CLNK: variants seen among roughly 807,000 people sequenced by gnomAD.
The protein encoded by CLNK is cytokine dependent hematopoietic cell linker.
In CLNK, 74 loss-of-function variants were observed where a neutral mutation model predicts 68.6. The ratio of observed to expected loss-of-function variants is 1.08; its 90% CI spans 0.89 to 1.31. The LOEUF is 1.31. Among genes scored for constraint, CLNK ranks in the 50% most tolerant of loss-of-function variants. The pLI is 0.00. For missense variants in CLNK, 553 were observed against 515.3 expected, an observed-to-expected ratio of 1.07 and a Z score of -0.71; for synonymous variants, 198 against 172.2, an observed-to-expected ratio of 1.15 and a Z score of -1.17.
At chr4:10,668,000 C>T (rs886293508) in intron 1 of CLNK, 89 bp from the exon 2 acceptor site, 20 of 618,504 alleles carry the variant, frequency 3.2e-5, no homozygotes, top group African/African-American at 5.6e-5. Flanking sequence ...TTGTTAAAAT[C>T]GGATACAGGT....
rs777374656 is a variant in CLNK, at chr4:10,667,864, G to C, written c.6C>G (p.Asn2Lys). 1 of 1,303,868 alleles carries C rather than the reference G, an allele frequency of 7.7e-7. No homozygotes were observed. Among genetic ancestry groups the C allele is most frequent in the Non-Finnish European group, 9.9e-7 (1 of 1,008,124 alleles). The allele number at this position is 1,303,868 out of a possible 1,614,324, so 80.8% of individuals were successfully genotyped here. ...AGTGATCCCACGGTACTTACTGCCT[G>C]TTCATAGTTCTTGGCACCTGGCGGG... Reference protein sequence around the residue: MNRQGNRKTTKE... With the variant: MKRQGNRKTTKE... The change falls in exon 2 of 19, where the codon AAC becomes AAG. Residue 2 changes from asparagine (N) to lysine (K), a missense_variant. Physicochemically the swap from Asn to Lys is moderately conservative, Grantham distance 94. Transcript: ENST00000226951.
At chr4:10,673,756 A>G (rs779489495) in intron 1 of CLNK, among the ~76,000 whole-genome samples, 3 of 152,182 alleles carry the variant, frequency 2.0e-5, no homozygotes, top group Non-Finnish European at 2.9e-5. Context: ...CACATGGACT[A>G]TGATAATGGA....
intron 2 of CLNK, among the ~76,000 whole-genome samples, chr4:10,645,227 T>A: frequency 6.6e-6 from 1 of 152,234 alleles, no homozygotes; most frequent in Non-Finnish European, 1.5e-5. Flanking sequence ...TGAGCTTCGC[T>A]GCCTCTAGCA....
intron 2 of CLNK, among the ~76,000 whole-genome samples, chr4:10,629,485 T>C (rs542458268): frequency 6.6e-6 from 1 of 152,188 alleles, no homozygotes; most frequent in Non-Finnish European, 1.5e-5. Context: ...GATATTTACA[T>C]GTCTTAGGGA....
chr4:10,506,755 A>G (rs544160418), intron 17 of CLNK, among the ~76,000 whole-genome samples: 1 of 152,310 alleles, frequency 6.6e-6, no homozygotes, highest in South Asian at 2.1e-4. Context: ...AGAAAGCCAC[A>G]CAGCTGATAA....
chr4:10,578,078 A>G (rs190180748), intron 4 of CLNK, among the ~76,000 whole-genome samples: 1 of 152,264 alleles, frequency 6.6e-6, no homozygotes, highest in Admixed American at 6.5e-5. Context: ...CCTACCCCCA[A>G]ATGGCTGTTG....
At chr4:10,659,550 T>A (rs1264888393) in intron 2 of CLNK, among the ~76,000 whole-genome samples, 1 of 152,246 alleles carries the variant, frequency 6.6e-6, no homozygotes, top group South Asian at 2.1e-4. Context: ...GATAAATATT[T>A]GACTTTATCA....
At chr4:10,563,771 G>A (rs963056801) in intron 7 of CLNK, among the ~76,000 whole-genome samples, 1 of 152,150 alleles carries the variant, frequency 6.6e-6, no homozygotes, top group Non-Finnish European at 1.5e-5. Flanking sequence ...GCCGGGCATG[G>A]TGACGTGCAC....
In CLNK at chr4:10,528,009, C is replaced by T. The variant is rs6837339; in HGVS notation, c.649+67G>A. On this transcript the variant is annotated intron_variant, in intron 13 of 18. Transcript: ENST00000226951. ...CAATCCTTTTTAATAACCATGAGCA[C>T]TGTAGATCTAGAAAGAGAACCTAGT... The T allele has an allele frequency of 0.01, 8,654 of 862,708 alleles. 430 individuals carry two copies. The African/African-American group carries it at 0.11, about 11-fold the overall frequency. 53.4% of individuals were successfully genotyped at this position (862,708 alleles called of 1,614,324 possible). A position where few individuals can be genotyped will look rare whatever the true frequency, so the allele number is the denominator to read the frequency against.
intron 3 of CLNK, among the ~76,000 whole-genome samples, chr4:10,588,874 T>C (rs571288957): frequency 4.9e-4 from 74 of 152,148 alleles, no homozygotes; most frequent in Non-Finnish European, 2.9e-4. Context: ...TACAATGTAT[T>C]ATACGTCTAA....
intron 1 of CLNK, among the ~76,000 whole-genome samples, chr4:10,671,879 G>T (rs919462628): frequency 6.6e-6 from 1 of 152,154 alleles, no homozygotes; most frequent in African/African-American, 2.4e-5. Flanking sequence ...AGAAGAAACA[G>T]CTTCCCCCCA....
At chr4:10,518,097 G>T (rs959946242) in intron 15 of CLNK, among the ~76,000 whole-genome samples, 1 of 151,980 alleles carries the variant, frequency 6.6e-6, no homozygotes, top group Non-Finnish European at 1.5e-5. Context: ...GGAGGGTCAA[G>T]GAAATGAAGC....
chr4:10,532,029 AC>A (rs975273851), intron 12 of CLNK, among the ~76,000 whole-genome samples: 10 of 152,286 alleles, frequency 6.6e-5, no homozygotes, highest in African/African-American at 2.4e-4. Flanking sequence ...TAACAAATGA[AC>A]CCTGAATGAC....
chr4:10,730,399 A>G, the CLNK span, among the ~76,000 whole-genome samples: 4 of 152,160 alleles, frequency 2.6e-5, no homozygotes, highest in Admixed American at 6.5e-5. Flanking sequence ...TCCAAAATAT[A>G]TCTGAAAATC....
chr4:10,540,882 A>G (rs907759367), intron 10 of CLNK, among the ~76,000 whole-genome samples: 1 of 152,110 alleles, frequency 6.6e-6, no homozygotes, highest in Non-Finnish European at 1.5e-5. Context: ...CATTCATCCC[A>G]GACTGGCAGA....
intron 3 of CLNK, among the ~76,000 whole-genome samples, chr4:10,594,281 C>A (rs189019774): frequency 3.7e-4 from 56 of 152,358 alleles, no homozygotes; most frequent in African/African-American, 1.2e-3. Context: ...AATCTCCCCC[C>A]ATCCTCTGCC....
intron 15 of CLNK, among the ~76,000 whole-genome samples, chr4:10,517,747 G>A (rs1717891795): frequency 6.6e-6 from 1 of 152,144 alleles, no homozygotes; most frequent in African/African-American, 2.4e-5. Flanking sequence ...TTAACCTTCA[G>A]TGCCTTGCTT....
Position 10,557,878 on chromosome 4 carries a change from G to A in CLNK, c.445+529C>T, listed in dbSNP as rs2108818159. On this transcript the variant is annotated intron_variant, in intron 8 of 18. Coordinates refer to ENST00000226951, the MANE Select transcript of CLNK (RefSeq NM_052964.4). The stretch of plus-strand genomic sequence containing the variant: ...AGGAGATAGGGGCACGGGGGAAAAT[G>A]ATGAGAGAAGCTATAATGGATACAA... Among the ~76,000 whole-genome samples the A allele has an allele frequency of 2.0e-5, 3 of 152,348 alleles. No individual in the cohort carries two copies. The Middle Eastern group carries it at 0.01, about 518-fold the overall frequency.
At chr4:10,584,492 AAG>A (rs1720901258) in intron 4 of CLNK, among the ~76,000 whole-genome samples, 1 of 152,112 alleles carries the variant, frequency 6.6e-6, no homozygotes, top group South Asian at 2.1e-4. Context: ...ATAGGCTATG[AAG>A]AGAGATACAG....
Sources: allele counts gnomAD v4.1 joint callset (sites outside exome capture counted in the v4.1 genomes callset), GRCh38; gene constraint gnomAD v4.1.1; transcripts MANE v1.5; gene names NCBI Gene and HGNC (gene_info 2026-07-23, HGNC 2026-07-21).